The following RBM20 variants were observed in gnomAD, a reference collection of about 807,000 sequenced individuals.
RBM20 encodes the protein RNA-binding protein 20.
A neutral mutation model predicts 110.1 loss-of-function variants in RBM20; 51 were observed. The observed-to-expected ratio is 0.46, with a 90% confidence interval of 0.37 to 0.59. RBM20 has a LOEUF of 0.59. Among genes scored for constraint, RBM20 ranks in the 20% least tolerant of loss-of-function variants. The pLI, the probability that RBM20 is intolerant of heterozygous loss-of-function variation, is 0.00. For missense variants in RBM20, 1,512 were observed against 1,574.9 expected, an observed-to-expected ratio of 0.96 and a Z score of 0.68; for synonymous variants, 589 against 618.2, an observed-to-expected ratio of 0.95 and a Z score of 0.70.
intron 7 of RBM20, among the ~76,000 whole-genome samples, chr10:110,809,333 T>C (rs1485299087): frequency 6.6e-6 from 1 of 151,942 alleles, no homozygotes; most frequent in Non-Finnish European, 1.5e-5. Flanking sequence ...CTGAGGGTTT[T>C]TAGTCTTGGT....
Position 110,753,882 on chromosome 10 carries a change from A to AT in RBM20, c.192-26918dup, listed in dbSNP as rs1447628785. Among the ~76,000 whole-genome samples, 3 of 152,312 alleles carry AT rather than the reference A, an allele frequency of 2.0e-5. No homozygotes were observed. In the South Asian group the frequency reaches 6.2e-4, roughly 32 times the overall value. On this transcript the variant is annotated intron_variant, in intron 1 of 13. Coordinates refer to ENST00000369519, the MANE Select transcript of RBM20 (RefSeq NM_001134363.3). ...CCTCAAAGACAGCAGCCATTGTAGC[A>AT]TCTCCAAATCTCTCTCCTGTCACAT...
At chr10:110,762,982 G>T (rs1183869050) in intron 1 of RBM20, among the ~76,000 whole-genome samples, 1 of 152,230 alleles carries the variant, frequency 6.6e-6, no homozygotes, top group East Asian at 1.9e-4. Flanking sequence ...CGGCCAGGCT[G>T]GCTGGTTCCC....
chr10:110,812,910 CT>C lies in RBM20; in HGVS notation c.2514del (p.Asp839MetfsTer71). 2 of 1,453,994 alleles carry C rather than the reference CT, an allele frequency of 1.4e-6. No homozygotes were observed. The highest frequency in any genetic ancestry group is 1.8e-6 in the Non-Finnish European group (2 of 1,101,904). The allele number at this position is 1,453,994 out of a possible 1,614,324, so 90.1% of individuals were successfully genotyped here. ...TKRTDRDQEGADDRKENTMAE... is the reference protein window; with the variant it reads ...TKRTDRDQEGXDDRKENTMAE... ...AGAACTGATAGAGACCAAGAAGGAG[CT>C]GATGATAGAAAAGAAAACACAATGG... On this transcript the variant is annotated frameshift_variant, in exon 9 of 14. Coordinates refer to ENST00000369519, the MANE Select transcript of RBM20 (RefSeq NM_001134363.3). LOFTEE classifies it high-confidence loss of function.
chr10:110,802,962 T>C (rs970419858), intron 7 of RBM20, among the ~76,000 whole-genome samples: 17 of 152,300 alleles, frequency 1.1e-4, no homozygotes, highest in African/African-American at 4.1e-4. Flanking sequence ...GACTATACTT[T>C]GAGTTATTTG....
chr10:110,665,751 A>G (rs755120714), intron 1 of RBM20, among the ~76,000 whole-genome samples: 14 of 152,184 alleles, frequency 9.2e-5, no homozygotes, highest in Non-Finnish European at 1.9e-4. Flanking sequence ...TTATTTGATT[A>G]TGTGAACATT....
At chr10:110,802,460 C>T (rs1690288993) in intron 7 of RBM20, among the ~76,000 whole-genome samples, 1 of 150,572 alleles carries the variant, frequency 6.6e-6, no homozygotes, top group Admixed American at 6.6e-5. Flanking sequence ...ATTCTATATC[C>T]AACCAAAGTT....
intron 1 of RBM20, among the ~76,000 whole-genome samples, chr10:110,656,524 A>G (rs1158529664): frequency 6.6e-6 from 1 of 152,054 alleles, no homozygotes; most frequent in Admixed American, 6.6e-5. Context: ...ATTTAGTGAC[A>G]TCAAGTACGT....
intron 1 of RBM20, among the ~76,000 whole-genome samples, chr10:110,717,875 C>T (rs1022309787): frequency 3.7e-4 from 57 of 152,194 alleles, no homozygotes; most frequent in African/African-American, 1.2e-3. Flanking sequence ...ACTCACTGTG[C>T]GAGGGAGGAG....
At chr10:110,792,089 C>A (rs546460566) in intron 5 of RBM20, among the ~76,000 whole-genome samples, 1 of 152,300 alleles carries the variant, frequency 6.6e-6, no homozygotes, top group Middle Eastern at 3.4e-3. Flanking sequence ...TTTCACTACT[C>A]CTTTATATTT....
At chr10:110,823,655 GA>G in intron 12 of RBM20, 41 bp downstream of exon 12, 1 of 1,547,164 alleles carries the variant, frequency 6.5e-7, no homozygotes, top group Non-Finnish European at 8.7e-7. Context: ...TCAGGTCTAG[GA>G]AATAACAGTT....
intron 7 of RBM20, among the ~76,000 whole-genome samples, chr10:110,802,513 C>G (rs1844641532): frequency 6.6e-6 from 1 of 151,554 alleles, no homozygotes; most frequent in South Asian, 2.1e-4. Flanking sequence ...AATTGAATTT[C>G]TACACTAAGT....
At chr10:110,767,869 C>T (rs1844127406) in intron 1 of RBM20, among the ~76,000 whole-genome samples, 3 of 152,244 alleles carry the variant, frequency 2.0e-5, no homozygotes, top group African/African-American at 7.2e-5. Context: ...AGAGGGGCTC[C>T]TCACGTCCCA....
chr10:110,656,344 T>C (rs1026720447), intron 1 of RBM20, among the ~76,000 whole-genome samples: 1 of 152,106 alleles, frequency 6.6e-6, no homozygotes, highest in African/African-American at 2.4e-5. Flanking sequence ...TGTTTCTTCA[T>C]ACTTCTTATA....
At chr10:110,654,401 C>T (rs567231573) in intron 1 of RBM20, among the ~76,000 whole-genome samples, 1 of 152,318 alleles carries the variant, frequency 6.6e-6, no homozygotes, top group East Asian at 1.9e-4. Flanking sequence ...CATTCCATCT[C>T]TTGAGTTGCA....
intron 1 of RBM20, among the ~76,000 whole-genome samples, chr10:110,712,798 A>G (rs1226443854): frequency 2.0e-5 from 3 of 152,182 alleles, no homozygotes; most frequent in Non-Finnish European, 4.4e-5. Flanking sequence ...AGAGACCCCA[A>G]TAATTACCTT....
chr10:110,792,293 T>A (rs1010788867), intron 5 of RBM20, among the ~76,000 whole-genome samples: 2 of 152,234 alleles, frequency 1.3e-5, no homozygotes, highest in African/African-American at 4.8e-5. Context: ...ATGAATTTCC[T>A]AAGAATACAG....
At chr10:110,643,436 A>C (rs924145658), upstream of RBM20, among the ~76,000 whole-genome samples, 1 of 152,232 alleles carries the variant, frequency 6.6e-6, no homozygotes, top group Non-Finnish European at 1.5e-5. Context: ...CACAGCTGTG[A>C]ACCGGTGAGT....
chr10:110,810,756 G>A (rs1844755273), intron 8 of RBM20, among the ~76,000 whole-genome samples: 2 of 151,976 alleles, frequency 1.3e-5, no homozygotes, highest in Non-Finnish European at 2.9e-5. Flanking sequence ...GCCCTTTGGG[G>A]CAAGTCTACA....
At chr10:110,835,804 T>G in intron 13 of RBM20, 64 bp from the exon 14 acceptor site, 1 of 1,485,440 alleles carries the variant, frequency 6.7e-7, no homozygotes, top group African/African-American at 1.4e-5. Context: ...TGTCCGCTCC[T>G]CTCCTCTCCA....
Sources: allele counts gnomAD v4.1 joint callset (sites outside exome capture counted in the v4.1 genomes callset), GRCh38; gene constraint gnomAD v4.1.1; transcripts MANE v1.5; gene names NCBI Gene and HGNC (gene_info 2026-07-23, HGNC 2026-07-21).